Variants in AASS observed in about 807,000 individuals in gnomAD.
AASS encodes aminoadipate-semialdehyde synthase.
AASS carries 86 observed loss-of-function variants against 105.4 expected under a neutral mutation model. The ratio of observed to expected loss-of-function variants is 0.82; its 90% confidence interval spans 0.69 to 0.98. AASS has a LOEUF of 0.98. Among genes scored for constraint, AASS ranks in the 50% least tolerant of loss-of-function variants. The pLI, the probability that AASS is intolerant of heterozygous loss-of-function variation, is 0.00. For synonymous variants in AASS, 381 were observed against 394.8 expected, an observed-to-expected ratio of 0.96 and a Z score of 0.41; for missense variants, 1,048 against 1,143.2, an observed-to-expected ratio of 0.92 and a Z score of 1.20.
chr7:122,107,758 G>A (rs1287559344), intron 11 of AASS, among the ~76,000 whole-genome samples: 1 of 152,006 alleles, frequency 6.6e-6, no homozygotes, highest in Non-Finnish European at 1.5e-5. Flanking sequence ...GAGGGAGAAG[G>A]GAGAGGAGCA....
intron 3 of AASS, among the ~76,000 whole-genome samples, chr7:122,127,460 T>C (rs1383333033): frequency 6.6e-6 from 1 of 151,948 alleles, no homozygotes; most frequent in African/African-American, 2.4e-5. Flanking sequence ...GTTAGGTCAG[T>C]TTTTTTTAAT....
intron 1 of AASS, among the ~76,000 whole-genome samples, chr7:122,136,666 T>A (rs1796154901): frequency 1.3e-5 from 2 of 152,156 alleles, no homozygotes; most frequent in South Asian, 4.1e-4. Flanking sequence ...TACACAAATG[T>A]CCAGAAACCA....
At chr7:122,105,424 C>T (rs1478564391) in intron 11 of AASS, among the ~76,000 whole-genome samples, 1 of 151,994 alleles carries the variant, frequency 6.6e-6, no homozygotes, top group Non-Finnish European at 1.5e-5. Flanking sequence ...CACCAGTGTA[C>T]GCATTCTTCT....
intron 1 of AASS, among the ~76,000 whole-genome samples, chr7:122,141,658 C>CAAA (rs67469054): frequency 3.2e-5 from 3 of 94,632 alleles, no homozygotes; most frequent in Non-Finnish European, 6.5e-5. Flanking sequence ...CCTAACCCTG[C>CAAA]AAAAAAAAAA....
chr7:122,112,198 G>T (rs1794973132), intron 11 of AASS, among the ~76,000 whole-genome samples: 1 of 152,078 alleles, frequency 6.6e-6, no homozygotes, highest in African/African-American at 2.4e-5. Context: ...TTTAATGATG[G>T]TATTTACCTA....
chr7:122,112,079 C>A (rs1794968367), intron 11 of AASS, among the ~76,000 whole-genome samples: 1 of 152,256 alleles, frequency 6.6e-6, no homozygotes, highest in South Asian at 2.1e-4. Flanking sequence ...TCTTTAATGC[C>A]TCAGCACCAA....
chr7:122,138,253 A>G (rs1177543362), intron 1 of AASS, among the ~76,000 whole-genome samples: 1 of 152,188 alleles, frequency 6.6e-6, no homozygotes, highest in East Asian at 1.9e-4. Flanking sequence ...AGCGAGATAC[A>G]GTAGACCCTG....
intron 15 of AASS, among the ~76,000 whole-genome samples, chr7:122,095,937 T>G (rs1794134746): frequency 6.6e-6 from 1 of 152,164 alleles, no homozygotes; most frequent in Middle Eastern, 3.2e-3. Context: ...TAATAATATT[T>G]TAAAACTTTG....
intron 15 of AASS, among the ~76,000 whole-genome samples, chr7:122,096,744 G>A (rs1016284863): frequency 1.3e-5 from 2 of 152,040 alleles, no homozygotes; most frequent in Non-Finnish European, 2.9e-5. Flanking sequence ...AACAGTTTTT[G>A]CTAATGCTAA....
At chr7:122,082,924 TCTG>T in intron 19 of AASS, 1 of 1,186,718 alleles carries the variant, frequency 8.4e-7, no homozygotes, top group Non-Finnish European at 1.1e-6. Context: ...ATAAATAGAT[TCTG>T]AATAATAGAT....
chr7:122,123,453 T>C (rs1301202120), intron 4 of AASS, among the ~76,000 whole-genome samples: 1 of 152,242 alleles, frequency 6.6e-6, no homozygotes, highest in Non-Finnish European at 1.5e-5. Flanking sequence ...TATATCTCAT[T>C]CAATTTTTCT....
intron 2 of AASS, among the ~76,000 whole-genome samples, chr7:122,131,792 G>T (rs2840105): frequency 0.15 from 22,477 of 151,916 alleles, 1,886 homozygotes; most frequent in South Asian, 0.27. Context: ...TTAATTTCCT[G>T]ATGTGGGGCA....
At position 122,078,863 on chromosome 7, in the gene AASS, A is replaced by G; in HGVS notation, c.2484T>C (p.Tyr828=). The G allele has an allele frequency of 1.2e-6, 2 of 1,613,530 alleles. No homozygotes were observed. The highest frequency in any genetic ancestry group is 1.3e-5 in the African/African-American group (1 of 75,016). ...TTTAGCTAATACTTCATGGCCTACC[A>G]TAGGAAAGCTTCATGACCAAATGCT... ...LSKHLVMKLS[Y]GPEEKDMIVM... The change falls in exon 22 of 24, where the codon TAT becomes TAC. Residue 828 remains tyrosine (Y), a splice_region_variant and synonymous_variant. Transcript: ENST00000417368.
chr7:122,079,080 T>G, intron 21 of AASS, 130 bp from the exon 22 acceptor site: 1 of 1,569,410 alleles, frequency 6.4e-7, no homozygotes, highest in Non-Finnish European at 8.6e-7. Flanking sequence ...AGTTGTAGGA[T>G]TCTCCTAAAA....
chr7:122,092,794 C>T (rs998148014), intron 17 of AASS, 49 bp downstream of exon 17: 1 of 1,431,778 alleles, frequency 7.0e-7, no homozygotes. Flanking sequence ...ATTCTGTACA[C>T]AAGAATTTAG....
intron 20 of AASS, 65 bp downstream of exon 20, chr7:122,081,435 C>G: frequency 7.9e-7 from 1 of 1,270,770 alleles, no homozygotes; most frequent in South Asian, 1.2e-5. Flanking sequence ...GCAGAGTTCA[C>G]CCCCGACCAT....
chr7:122,082,228 G>A (rs1246111099), intron 19 of AASS, among the ~76,000 whole-genome samples: 1 of 152,020 alleles, frequency 6.6e-6, no homozygotes, highest in Non-Finnish European at 1.5e-5. Context: ...GCAAACCTGA[G>A]GTCCTTGGTA....
At chr7:122,109,886 G>A (rs993643538) in intron 11 of AASS, among the ~76,000 whole-genome samples, 7 of 151,756 alleles carry the variant, frequency 4.6e-5, no homozygotes, top group African/African-American at 9.7e-5. Flanking sequence ...CAACAGAATG[G>A]GAAAAAGTAT....
At chr7:122,107,360 T>A (rs1298582514) in intron 11 of AASS, among the ~76,000 whole-genome samples, 1 of 151,982 alleles carries the variant, frequency 6.6e-6, no homozygotes, top group Admixed American at 6.6e-5. Flanking sequence ...ACAGAACTAC[T>A]CTTCAACCCA....
Sources: allele counts gnomAD v4.1 joint callset (sites outside exome capture counted in the v4.1 genomes callset), GRCh38; gene constraint gnomAD v4.1.1; transcripts MANE v1.5; gene names NCBI Gene and HGNC (gene_info 2026-07-23, HGNC 2026-07-21).